PFN3: variants seen among roughly 807,000 people sequenced by gnomAD.
PFN3 encodes the protein profilin-3.
Under a neutral mutation model 6.2 loss-of-function variants are expected in PFN3, and 7 were observed. The observed-to-expected ratio is 1.13, with a 90% confidence interval of 0.64 to 2.13. PFN3 has a LOEUF of 2.13. PFN3 is among the 30% of genes most tolerant of loss of function. PFN3 has a pLI of 0.00. For synonymous variants in PFN3, 112 were observed against 97.7 expected, an observed-to-expected ratio of 1.15 and a Z score of -0.87; for missense variants, 251 against 209.3, an observed-to-expected ratio of 1.20 and a Z score of -1.23.
chr5:177,400,610 C>A lies in PFN3; in HGVS notation c.-34G>T. ...GAGTGCGCCCAGCCGCCTCGCACCT[C>A]TCGGGGAAATATAGAGGCGCCACGC... On this transcript the variant is annotated 5_prime_UTR_variant, in exon 1 of 1. Coordinates refer to ENST00000358571, the MANE Select transcript of PFN3 (RefSeq NM_001029886.3). The A allele has an allele frequency of 6.3e-7, 1 of 1,581,166 alleles. No individual in the cohort carries two copies. The highest frequency in any genetic ancestry group is 2.3e-5 in the East Asian group (1 of 43,690).
chr5:177,400,562 C>T lies in PFN3; in HGVS notation c.15G>A (p.Lys5=). The change falls in exon 1 of 1, where the codon AAG becomes AAA. Residue 5 remains lysine (K), a synonymous_variant. Transcript: ENST00000358571. MGDW[K]VYISAVLRDQ... is the part of the protein sequence containing the mutation. ...CCCGCAGCACTGCACTGATGTAGAC[C>T]TTCCAGTCGCCCATCGCGCTCCGAG... is the stretch of plus-strand genomic sequence containing the variant. 6.3e-7 allele frequency: 1 copy of T among 1,596,022 alleles called. No homozygotes were observed. The highest frequency in any genetic ancestry group is 8.5e-7 in the Non-Finnish European group (1 of 1,178,802).
At position 177,400,536 on chromosome 5, in the gene PFN3, T is replaced by A; in HGVS notation, c.41A>T (p.Asp14Val). Residue 14 changes from aspartate to valine, a missense_variant, in exon 1 of 1, where the codon GAC (aspartate) becomes GTC (valine). Coordinates refer to ENST00000358571, the MANE Select transcript of PFN3 (RefSeq NM_001029886.3). ...GATGGCCACGTCGTCGATGCGCTGG[T>A]CCCGCAGCACTGCACTGATGTAGAC... ...WKVYISAVLR[D>V]QRIDDVAIVG... 6.3e-7 allele frequency: 1 copy of A among 1,597,400 alleles called. No homozygotes were observed. Among genetic ancestry groups the A allele is most frequent in the South Asian group, 1.1e-5 (1 of 90,890 alleles).
At position 177,400,407 on chromosome 5, in the gene PFN3, T is replaced by C; in HGVS notation, c.170A>G (p.His57Arg). 1 of 1,540,518 alleles carries C rather than the reference T, an allele frequency of 6.5e-7. No homozygotes were observed. The highest frequency in any genetic ancestry group is 8.7e-7 in the Non-Finnish European group (1 of 1,145,910). Residue 57 changes from histidine to arginine, a missense_variant, in exon 1 of 1, where the codon CAC becomes CGC. Coordinates refer to ENST00000358571, the MANE Select transcript of PFN3 (RefSeq NM_001029886.3). ...GCTCAGGCCCGCCTGCAGGAAGGTG[T>C]GCCTGTCCGGCCCCGTGAGCACGCC... The part of the protein sequence containing the change: ...EVGVLTGPDR[H>R]TFLQAGLSVG...
Position 177,400,636 on chromosome 5 carries a change from G to T in PFN3, c.-60C>A, listed in dbSNP as rs1763115135. 13 of 1,544,110 alleles carry T rather than the reference G, an allele frequency of 8.4e-6. No homozygotes were observed. The South Asian group carries it at 1.4e-4, about 17-fold the overall frequency. On this transcript the variant is annotated 5_prime_UTR_variant, in exon 1 of 1. Transcript: ENST00000358571. The stretch of plus-strand genomic sequence containing the variant: ...TCGGGGAAATATAGAGGCGCCACGC[G>T]GGGAAGGCCTGCGGCGCTGTGAGGC...
rs979916440 is a variant in PFN3 at position 177,400,569 on chromosome 5, TCGCCCATCGCGCTCCGAGTG to T, written c.-13_7del. 1 of 1,594,402 alleles carries T rather than the reference TCGCCCATCGCGCTCCGAGTG, an allele frequency of 6.3e-7. No homozygotes were observed. Among genetic ancestry groups the T allele is most frequent in the African/African-American group, 1.3e-5 (1 of 74,170 alleles). ...CACTGCACTGATGTAGACCTTCCAG[TCGCCCATCGCGCTCCGAGTG>T]CGCCCAGCCGCCTCGCACCTCTCGG... On this transcript the variant is annotated start_lost and 5_prime_UTR_variant, in exon 1 of 1. Transcript: ENST00000358571.
Position 177,400,145 on chromosome 5 carries a change from G to C in PFN3, c.*18C>G. 2 of 1,610,010 alleles carry C rather than the reference G, an allele frequency of 1.2e-6. No homozygotes were observed. Among genetic ancestry groups the C allele is most frequent in the Non-Finnish European group, 1.7e-6 (2 of 1,178,688 alleles). ...GTTTATTTGGCCCGCGCTACCAGTGGGCGGCCTGGCTGGCCGGCTAGGCGC... is the reference window on the plus strand; with the variant it reads ...GTTTATTTGGCCCGCGCTACCAGTGCGCGGCCTGGCTGGCCGGCTAGGCGC... On this transcript the variant is annotated 3_prime_UTR_variant, in exon 1 of 1. Coordinates refer to ENST00000358571, the MANE Select transcript of PFN3 (RefSeq NM_001029886.3).
At position 177,400,637 on chromosome 5, in the gene PFN3, G is replaced by C; in HGVS notation, c.-61C>G. On this transcript the variant is annotated 5_prime_UTR_variant, in exon 1 of 1. Coordinates refer to ENST00000358571, the MANE Select transcript of PFN3 (RefSeq NM_001029886.3). ...CGGGGAAATATAGAGGCGCCACGCG[G>C]GGAAGGCCTGCGGCGCTGTGAGGCA... is the stretch of plus-strand genomic sequence containing the variant. 1 of 1,541,152 alleles carries C rather than the reference G, an allele frequency of 6.5e-7. No individual in the cohort carries two copies. Among genetic ancestry groups the C allele is most frequent in the East Asian group, 2.4e-5 (1 of 41,598 alleles).
rs1763097607 is a variant in PFN3, at chr5:177,400,311, C to T, written c.266G>A (p.Arg89His). The change falls in exon 1 of 1, where the codon CGC (arginine) becomes CAC (histidine). Residue 89 changes from arginine to histidine, a missense_variant. Physicochemically the swap from Arg to His is conservative, Grantham distance 29. Transcript: ENST00000358571. ...LAEGDGVLDARTKGLDARAVC... is the reference protein window; with the variant it reads ...LAEGDGVLDAHTKGLDARAVC... ...GGCGCGCGCGTCCAGCCCCTTGGTGCGTGCGTCCAGCACGCCGTCACCCTC... is the reference window on the plus strand; with the variant it reads ...GGCGCGCGCGTCCAGCCCCTTGGTGTGTGCGTCCAGCACGCCGTCACCCTC... 3.8e-6 allele frequency: 6 copies of T among 1,571,066 alleles called. No individual in the cohort carries two copies. In the East Asian group the frequency reaches 7.2e-5, roughly 19 times the overall value.
rs551641636 is a variant in PFN3, at chr5:177,400,307, G to A, written c.270C>T (p.Thr90=). Residue 90 remains threonine, a synonymous_variant, in exon 1 of 1, where the codon ACC becomes ACT. Coordinates refer to ENST00000358571, the MANE Select transcript of PFN3 (RefSeq NM_001029886.3). ...AEGDGVLDAR[T]KGLDARAVCV... is the part of the protein sequence containing the mutation. ...ACACGGCGCGCGCGTCCAGCCCCTT[G>A]GTGCGTGCGTCCAGCACGCCGTCAC... is the stretch of plus-strand genomic sequence containing the variant. The A allele has an allele frequency of 4.4e-6, 7 of 1,576,186 alleles. No individual in the cohort carries two copies. The East Asian group carries it at 1.4e-4, about 32-fold the overall frequency.
Position 177,400,634 on chromosome 5 carries a change from G to C in PFN3, c.-58C>G, listed in dbSNP as rs980857102. On this transcript the variant is annotated 5_prime_UTR_variant, in exon 1 of 1. Coordinates refer to ENST00000358571, the MANE Select transcript of PFN3 (RefSeq NM_001029886.3). ...TCTCGGGGAAATATAGAGGCGCCAC[G>C]CGGGGAAGGCCTGCGGCGCTGTGAG... 5.8e-6 allele frequency: 9 copies of C among 1,546,660 alleles called. No individual in the cohort carries two copies. The highest frequency in any genetic ancestry group is 1.2e-5 in the South Asian group (1 of 85,936).
In PFN3 at chr5:177,400,481, C is replaced by G; in HGVS notation, c.96G>C (p.Trp32Cys). The change falls in exon 1 of 1, where the codon TGG becomes TGC. Residue 32 changes from tryptophan (W) to cysteine (C), a missense_variant. By Grantham distance (215) the Trp-to-Cys change is radical. Transcript: ENST00000358571. ...CCAGCAGGCCCCCGGGCCGCGAAGCCCACACGCAGCTGTTGTCCGCATGGC... is the reference window on the plus strand; with the variant it reads ...CCAGCAGGCCCCCGGGCCGCGAAGCGCACACGCAGCTGTTGTCCGCATGGC... ...IVGHADNSCV[W>C]ASRPGGLLAA... is the part of the protein sequence containing the mutation. The G allele has an allele frequency of 6.3e-7, 1 of 1,587,650 alleles. No homozygotes were observed. Among genetic ancestry groups the G allele is most frequent in the Non-Finnish European group, 8.5e-7 (1 of 1,174,728 alleles).
chr5:177,400,643 G>T lies in PFN3; in HGVS notation c.-67C>A. On this transcript the variant is annotated 5_prime_UTR_variant, in exon 1 of 1. Transcript: ENST00000358571. ...AATATAGAGGCGCCACGCGGGGAAG[G>T]CCTGCGGCGCTGTGAGGCAGGCTGG... The T allele has an allele frequency of 1.3e-6, 2 of 1,525,074 alleles. No homozygotes were observed. Among genetic ancestry groups the T allele is most frequent in the South Asian group, 1.2e-5 (1 of 83,976 alleles). 94.5% of individuals were successfully genotyped at this position (1,525,074 alleles called of 1,614,324 possible).
In PFN3 at chr5:177,400,347, T is replaced by C; in HGVS notation, c.230A>G (p.His77Arg). The C allele has an allele frequency of 6.5e-7, 1 of 1,534,700 alleles. No homozygotes were observed. The highest frequency in any genetic ancestry group is 1.2e-5 in the South Asian group (1 of 82,464). The change falls in exon 1 of 1, where the codon CAC becomes CGC. Residue 77 changes from histidine (H) to arginine (R), a missense_variant. Physicochemically the swap from His to Arg is conservative, Grantham distance 29. Coordinates refer to ENST00000358571, the MANE Select transcript of PFN3 (RefSeq NM_001029886.3). Reference protein sequence around the residue: ...GGRRCCVIRDHLLAEGDGVLD... With the variant: ...GGRRCCVIRDRLLAEGDGVLD... The stretch of plus-strand genomic sequence containing the variant: ...CACGCCGTCACCCTCGGCCAGCAGG[T>C]GGTCGCGGATGACGCAGCAGCGGCG...
Position 177,400,150 on chromosome 5 carries a change from C to A in PFN3, c.*13G>T, listed in dbSNP as rs1335667203. ...TTTGGCCCGCGCTACCAGTGGGCGGCCTGGCTGGCCGGCTAGGCGCCCTGC... is the reference window on the plus strand; with the variant it reads ...TTTGGCCCGCGCTACCAGTGGGCGGACTGGCTGGCCGGCTAGGCGCCCTGC... On this transcript the variant is annotated 3_prime_UTR_variant, in exon 1 of 1. Coordinates refer to ENST00000358571, the MANE Select transcript of PFN3 (RefSeq NM_001029886.3). 6.2e-7 allele frequency: 1 copy of A among 1,610,266 alleles called. No homozygotes were observed. Among genetic ancestry groups the A allele is most frequent in the African/African-American group, 1.3e-5 (1 of 74,910 alleles).
Position 177,400,464 on chromosome 5 carries a change from C to G in PFN3, c.113G>C (p.Gly38Ala). 1 of 1,569,538 alleles carries G rather than the reference C, an allele frequency of 6.4e-7. No individual in the cohort carries two copies. Among genetic ancestry groups the G allele is most frequent in the Non-Finnish European group, 8.6e-7 (1 of 1,165,590 alleles). The stretch of plus-strand genomic sequence containing the variant: ...CTGCGGCGAGATGGCCGCCAGCAGG[C>G]CCCCGGGCCGCGAAGCCCACACGCA... ...NSCVWASRPG[G>A]LLAAISPQEV... Residue 38 changes from glycine (G) to alanine (A), a missense_variant, in exon 1 of 1, where the codon GGC (glycine) becomes GCC (alanine). Coordinates refer to ENST00000358571, the MANE Select transcript of PFN3 (RefSeq NM_001029886.3).
In PFN3 at chr5:177,400,609, T is replaced by C. The variant is rs1335227789; in HGVS notation, c.-33A>G. The C allele has an allele frequency of 8.2e-6, 13 of 1,581,088 alleles. No homozygotes were observed. The highest frequency in any genetic ancestry group is 9.4e-6 in the Non-Finnish European group (11 of 1,172,168). ...CGAGTGCGCCCAGCCGCCTCGCACC[T>C]CTCGGGGAAATATAGAGGCGCCACG... On this transcript the variant is annotated 5_prime_UTR_variant, in exon 1 of 1. Coordinates refer to ENST00000358571, the MANE Select transcript of PFN3 (RefSeq NM_001029886.3).
chr5:177,400,292 CGCGTCCAGCCCCTTGGTGCGT>C lies in PFN3; in HGVS notation c.264_284del (p.Thr90_Arg96del), dbSNP rs1454556184. The C allele has an allele frequency of 1.3e-6, 2 of 1,589,852 alleles. No individual in the cohort carries two copies. The highest frequency in any genetic ancestry group is 2.3e-5 in the East Asian group (1 of 43,142). On this transcript the variant is annotated inframe_deletion, in exon 1 of 1. Transcript: ENST00000358571. ...GCGCACGGCCCACGCACACGGCGCG[CGCGTCCAGCCCCTTGGTGCGT>C]GCGTCCAGCACGCCGTCACCCTCGG...
chr5:177,400,643 G>A lies in PFN3; in HGVS notation c.-67C>T. 6.6e-7 allele frequency: 1 copy of A among 1,525,076 alleles called. No homozygotes were observed. Among genetic ancestry groups the A allele is most frequent in the Admixed American group, 1.9e-5 (1 of 51,340 alleles). 94.5% of individuals were successfully genotyped at this position (1,525,076 alleles called of 1,614,324 possible). On this transcript the variant is annotated 5_prime_UTR_variant, in exon 1 of 1. Transcript: ENST00000358571. ...AATATAGAGGCGCCACGCGGGGAAG[G>A]CCTGCGGCGCTGTGAGGCAGGCTGG...
chr5:177,400,321 G>C lies in PFN3; in HGVS notation c.256C>G (p.Leu86Val). The stretch of plus-strand genomic sequence containing the variant: ...TCCAGCCCCTTGGTGCGTGCGTCCA[G>C]CACGCCGTCACCCTCGGCCAGCAGG... ...DHLLAEGDGV[L>V]DARTKGLDAR... is the part of the protein sequence containing the mutation. The change falls in exon 1 of 1, where the codon CTG becomes GTG. Residue 86 changes from leucine (L) to valine (V), a missense_variant. By Grantham distance (32) the Leu-to-Val change is conservative (BLOSUM62 1). Transcript: ENST00000358571. 1 of 1,555,288 alleles carries C rather than the reference G, an allele frequency of 6.4e-7. No individual in the cohort carries two copies. Among genetic ancestry groups the C allele is most frequent in the Non-Finnish European group, 8.7e-7 (1 of 1,152,778 alleles).
Sources: gnomAD v4.1 joint callset for allele counts on GRCh38, gnomAD v4.1.1 for gene constraint, MANE v1.5 for transcripts, NCBI Gene and HGNC (gene_info 2026-07-23, HGNC 2026-07-21) for gene names.